Variants in KDM7A observed in about 807,000 individuals in gnomAD.
KDM7A encodes lysine demethylase 7A, also known as lysine-specific demethylase 7A.
Under a neutral mutation model 114.8 loss-of-function variants are expected in KDM7A, and 28 were observed. That is an observed-to-expected ratio of 0.24 (90% CI 0.18 to 0.33). KDM7A has a LOEUF of 0.33. KDM7A is among the 10% of genes least tolerant of loss of function. The pLI is 1.00. For missense variants in KDM7A, 942 were observed against 1,142.5 expected (o/e 0.82, Z 2.53); for synonymous variants, 423 against 397.8 (o/e 1.06, Z -0.75).
rs1484706949 is a variant in KDM7A at position 140,087,617 on chromosome 7, C to G, written c.*3477G>C. The G allele has an allele frequency of 1.3e-5, 2 of 152,094 alleles. No individual in the cohort carries two copies. Among genetic ancestry groups the G allele is most frequent in the Non-Finnish European group, 2.9e-5 (2 of 68,026 alleles). 9.4% of individuals were successfully genotyped at this position (152,094 alleles called of 1,614,324 possible). A position where few individuals can be genotyped will look rare whatever the true frequency, so the allele number is the denominator to read the frequency against. ...TGATTATCATAATAAACACTTTAAT[C>G]CAAATTTACAAATGAGAAAACTAAG... On this transcript the variant is annotated 3_prime_UTR_variant, in exon 20 of 20. Coordinates refer to ENST00000397560, the MANE Select transcript of KDM7A (RefSeq NM_030647.2).
intron 11 of KDM7A, among the ~76,000 whole-genome samples, chr7:140,103,900 T>C (rs535007533): frequency 6.6e-6 from 1 of 152,344 alleles, no homozygotes; most frequent in East Asian, 1.9e-4. Flanking sequence ...ACTTCCACAA[T>C]GGTTGAACTA....
chr7:140,103,456 T>TC (rs36126233), intron 11 of KDM7A, among the ~76,000 whole-genome samples: 7,287 of 146,326 alleles, frequency 0.05, 195 homozygotes, highest in Non-Finnish European at 0.075. Context: ...ATGTTATCCC[T>TC]CCCCCCCCCT....
At chr7:140,154,942 G>T (rs1794442313) in intron 1 of KDM7A, among the ~76,000 whole-genome samples, 1 of 151,822 alleles carries the variant, frequency 6.6e-6, no homozygotes, top group Non-Finnish European at 1.5e-5. Context: ...TTTACAATTG[G>T]TACAAAGTAC....
At position 140,111,101 on chromosome 7, in the gene KDM7A, T is replaced by G; in HGVS notation, c.1422A>C (p.Ala474=). 6.4e-7 allele frequency: 1 copy of G among 1,571,480 alleles called. No individual in the cohort carries two copies. The highest frequency in any genetic ancestry group is 8.7e-7 in the Non-Finnish European group (1 of 1,143,226). The change falls in exon 11 of 20, where the codon GCA becomes GCC. Residue 474 remains alanine, a synonymous_variant. Transcript: ENST00000397560. ...LIKELSKVIR[A]IEEENGKPVK... The stretch of plus-strand genomic sequence containing the variant: ...TGACAGTTTCCACTCTTACCTCTAT[T>G]GCTCGAATTACTTTAGAAAGTTCTT...
At position 140,086,423 on chromosome 7, in the gene KDM7A, TCA is replaced by T. The variant is rs1817924821; in HGVS notation, c.*4669_*4670del. 1 of 152,082 alleles carries T rather than the reference TCA, an allele frequency of 6.6e-6. No homozygotes were observed. Among genetic ancestry groups the T allele is most frequent in the South Asian group, 2.1e-4 (1 of 4,816 alleles). The allele number at this position is 152,082 out of a possible 1,614,324, so 9.4% of individuals were successfully genotyped here. On this transcript the variant is annotated 3_prime_UTR_variant, in exon 20 of 20. Transcript: ENST00000397560. ...AAAAAAATACTATAGAAGAATAAAA[TCA>T]CAGTCACAACAAGCTCATTGCTTTG...
At chr7:140,098,780 G>T in intron 14 of KDM7A, 99 bp downstream of exon 14, 2 of 1,040,790 alleles carry the variant, frequency 1.9e-6, no homozygotes, top group Non-Finnish European at 2.8e-6. Flanking sequence ...AAAGTTTTCT[G>T]CTATTTTAAA....
chr7:140,158,891 C>T (rs1794487500), intron 1 of KDM7A, among the ~76,000 whole-genome samples: 1 of 151,962 alleles, frequency 6.6e-6, no homozygotes, highest in African/African-American at 2.4e-5. Context: ...GAAAATGGGA[C>T]CTCTCATTTC....
intron 11 of KDM7A, among the ~76,000 whole-genome samples, chr7:140,107,898 T>G (rs1818366381): frequency 6.6e-6 from 1 of 152,222 alleles, no homozygotes; most frequent in African/African-American, 2.4e-5. Flanking sequence ...CCCCGTCACT[T>G]TCAGGTACAC....
intron 1 of KDM7A, among the ~76,000 whole-genome samples, chr7:140,175,992 G>T (rs1053210446): frequency 2.0e-5 from 3 of 151,382 alleles, no homozygotes; most frequent in Non-Finnish European, 4.4e-5. Context: ...GGCGACCCGG[G>T]TGTGTGCGGG....
At position 140,176,976 on chromosome 7, in the gene KDM7A, C is replaced by A. The variant is rs576912692; in HGVS notation, c.-39G>T. On this transcript the variant is annotated 5_prime_UTR_variant, in exon 1 of 20. Transcript: ENST00000397560. The surrounding 1 kb of genome is among the most constrained non-coding windows in gnomAD (Gnocchi z 4.4). ...ACACACGCTCGCTCGCTACTCCGCT[C>A]GCCGACTGGAGCGAGCGCAGCCGCC... 7.1e-5 allele frequency: 78 copies of A among 1,093,142 alleles called. No homozygotes were observed. In the South Asian group the frequency reaches 3.2e-3, roughly 45 times the overall value. The allele number at this position is 1,093,142 out of a possible 1,614,324, so 67.7% of individuals were successfully genotyped here. A position where few individuals can be genotyped will look rare whatever the true frequency, so the allele number is the denominator to read the frequency against.
intron 1 of KDM7A, among the ~76,000 whole-genome samples, chr7:140,153,199 C>T (rs774245373): frequency 4.6e-5 from 7 of 151,562 alleles, no homozygotes; most frequent in South Asian, 2.1e-4. Flanking sequence ...AAAATATAGG[C>T]GGTCCTTACT....
rs1189500066 is a variant in KDM7A at position 140,089,039 on chromosome 7, A to G, written c.*2055T>C. The G allele has an allele frequency of 6.6e-6, 1 of 152,188 alleles. No homozygotes were observed. Among genetic ancestry groups the G allele is most frequent in the African/African-American group, 2.4e-5 (1 of 41,426 alleles). 9.4% of individuals were successfully genotyped at this position (152,188 alleles called of 1,614,324 possible). On this transcript the variant is annotated 3_prime_UTR_variant, in exon 20 of 20. Transcript: ENST00000397560. ...TCGTATTTCTTAACCCAAAATAAAA[A>G]CATGACTATTGTAACACCGACTCAG...
chr7:140,131,207 T>C (rs1818780969), intron 3 of KDM7A, among the ~76,000 whole-genome samples: 1 of 152,084 alleles, frequency 6.6e-6, no homozygotes, highest in South Asian at 2.1e-4. Context: ...AAGCCAAGAA[T>C]GGTTGGATCT....
rs1817927574 is a variant in KDM7A, at chr7:140,086,606, TA to T, written c.*4487del. 2 of 152,248 alleles carry T rather than the reference TA, an allele frequency of 1.3e-5. No individual in the cohort carries two copies. The highest frequency in any genetic ancestry group is 1.3e-4 in the Admixed American group (2 of 15,290). 9.4% of individuals were successfully genotyped at this position (152,248 alleles called of 1,614,324 possible). A position where few individuals can be genotyped will look rare whatever the true frequency, so the allele number is the denominator to read the frequency against. ...TTCAACAGCAACAGAATGAGAAAAT[TA>T]ATTCTTCCCCTTTCTTTCCACCTGG... On this transcript the variant is annotated 3_prime_UTR_variant, in exon 20 of 20. Coordinates refer to ENST00000397560, the MANE Select transcript of KDM7A (RefSeq NM_030647.2).
chr7:140,096,484 T>G (rs1818111290), intron 17 of KDM7A, 71 bp downstream of exon 17: 1 of 1,163,928 alleles, frequency 8.6e-7, no homozygotes, highest in Non-Finnish European at 1.3e-6. Context: ...CTAACCTAAA[T>G]GAGGATTATT....
chr7:140,094,058 G>A lies in KDM7A; in HGVS notation c.2455C>T (p.Gln819Ter). 2 of 1,552,680 alleles carry A rather than the reference G, an allele frequency of 1.3e-6. No homozygotes were observed. Among genetic ancestry groups the A allele is most frequent in the South Asian group, 2.2e-5 (2 of 89,850 alleles). Residue 819 changes from glutamine (Q) to a stop codon, truncating the protein, a stop_gained and splice_region_variant, in exon 18 of 20, where the codon CAG becomes TAG. Transcript: ENST00000397560. LOFTEE classifies it high-confidence loss of function. Reference protein sequence around the residue: ...KQFDTSRFHPQDLSRSQKCIR... With the variant: ...KQFDTSRFHP ...AACGTTTCAAACTTTGAATATACCT[G>A]AGGATGAAATCTGGAAGTATCAAAC...
chr7:140,095,382 G>A (rs1035233241), intron 17 of KDM7A, among the ~76,000 whole-genome samples: 1 of 152,026 alleles, frequency 6.6e-6, no homozygotes, highest in African/African-American at 2.4e-5. Context: ...GCAACTTTAG[G>A]CAACTTATTT....
Position 140,127,513 on chromosome 7 carries a change from A to G in KDM7A, c.630T>C (p.Tyr210=), listed in dbSNP as rs367730284. The part of the protein sequence containing the change: ...QADSKMTLHN[Y]VKYFMNPNRP... Reference sequence around the variant, plus strand: ...TGTTAGGATTCATGAAGTATTTAACATAATTGTGAAGTGTCATTTTGCTGT... The same window carrying G: ...TGTTAGGATTCATGAAGTATTTAACGTAATTGTGAAGTGTCATTTTGCTGT... The change falls in exon 5 of 20, where the codon TAT becomes TAC. Residue 210 remains tyrosine (Y), a synonymous_variant. Coordinates refer to ENST00000397560, the MANE Select transcript of KDM7A (RefSeq NM_030647.2). 18 of 1,613,728 alleles carry G rather than the reference A, an allele frequency of 1.1e-5. No homozygotes were observed. The highest frequency in any genetic ancestry group is 8.3e-5 in the Admixed American group (5 of 60,026).
chr7:140,144,391 A>G (rs1233285506), intron 1 of KDM7A, among the ~76,000 whole-genome samples: 1 of 152,212 alleles, frequency 6.6e-6, no homozygotes, highest in African/African-American at 2.4e-5. Flanking sequence ...CTAACACTAT[A>G]AACTCTTGAA....
Sources: gnomAD v4.1 joint callset for allele counts (sites outside exome capture counted in the v4.1 genomes callset) on GRCh38, gnomAD v4.1.1 for gene constraint, Gnocchi (gnomAD v3.1) non-coding constraint, MANE v1.5 for transcripts, NCBI Gene and HGNC (gene_info 2026-07-23, HGNC 2026-07-21) for gene names.